The following CSGALNACT1 variants were observed in gnomAD, a reference collection of about 807,000 sequenced individuals.
CSGALNACT1 encodes chondroitin sulfate N-acetylgalactosaminyltransferase 1.
A neutral mutation model predicts 51.0 loss-of-function variants in CSGALNACT1; 52 were observed. That is an observed-to-expected ratio of 1.02 (90% CI 0.82 to 1.29). The LOEUF is 1.29. CSGALNACT1 is among the 50% of genes most tolerant of loss of function. The pLI, the probability that CSGALNACT1 is intolerant of heterozygous loss-of-function variation, is 0.00. For synonymous variants in CSGALNACT1, 341 were observed against 254.4 expected (o/e 1.34, Z -3.24); for missense variants, 935 against 679.2 (o/e 1.38, Z -4.19).
intron 1 of CSGALNACT1, among the ~76,000 whole-genome samples, chr8:19,689,853 G>A (rs906770084): frequency 1.3e-5 from 2 of 152,194 alleles, no homozygotes; most frequent in Non-Finnish European, 2.9e-5. Context: ...GGAAAGTGAC[G>A]TAGAGTAACC....
At chr8:19,599,472 AAAAGAAAGAAAGAAAGAAAGAAAGAAAG>A (rs201098374) in intron 2 of CSGALNACT1, among the ~76,000 whole-genome samples, 22 of 113,806 alleles carry the variant, frequency 1.9e-4, no homozygotes, top group South Asian at 3.4e-4. Flanking sequence ...GAAAGAAAGA[AAAAGAAAGAAAGAAAGAAAGAAAGAAAG>A]AAAGAAAGAA....
At chr8:19,744,325 A>C (rs1488596592) in intron 1 of CSGALNACT1, among the ~76,000 whole-genome samples, 1 of 152,202 alleles carries the variant, frequency 6.6e-6, no homozygotes, top group East Asian at 1.9e-4. Flanking sequence ...CCACAGATAC[A>C]CCCACGTCAT....
chr8:19,749,622 T>C (rs1043505709), intron 1 of CSGALNACT1, among the ~76,000 whole-genome samples: 8 of 152,180 alleles, frequency 5.3e-5, no homozygotes, highest in African/African-American at 1.7e-4. Flanking sequence ...AGACCATCCC[T>C]GATCTAACAA....
intron 1 of CSGALNACT1, among the ~76,000 whole-genome samples, chr8:19,723,990 C>A (rs1007915875): frequency 1.3e-5 from 2 of 152,180 alleles, no homozygotes; most frequent in Non-Finnish European, 2.9e-5. Flanking sequence ...TCAAATCTCT[C>A]ATTTCGAAAA....
chr8:19,702,741 C>G (rs1427255222), intron 1 of CSGALNACT1, among the ~76,000 whole-genome samples: 1 of 152,132 alleles, frequency 6.6e-6, no homozygotes, highest in Non-Finnish European at 1.5e-5. Context: ...TGTGTCTATA[C>G]CAGACCTCGT....
At chr8:19,639,662 T>C (rs180727397) in intron 1 of CSGALNACT1, among the ~76,000 whole-genome samples, 23 of 152,174 alleles carry the variant, frequency 1.5e-4, no homozygotes, top group Admixed American at 1.3e-3. Context: ...AATTTAACAT[T>C]TGACAAAGCT....
Position 19,530,222 on chromosome 8 carries a change from A to AAAAAC in CSGALNACT1, c.-296-24097_-296-24093dup, listed in dbSNP as rs58765246. On this transcript the variant is annotated intron_variant, in intron 3 of 9. Transcript: ENST00000454498. Reference sequence around the variant, plus strand: ...GGCAACAGAGCGAGACTCTGGCTGAAAAAACAAAACAAAACAAAACAAAAC... The same window carrying AAAAAC: ...GGCAACAGAGCGAGACTCTGGCTGAAAAAACAAAACAAAACAAAACAAAACAAAAC... Among the ~76,000 whole-genome samples the AAAAAC allele has an allele frequency of 3.8e-3, 575 of 150,190 alleles. 2 individuals are homozygous for AAAAAC. The highest frequency in any genetic ancestry group is 0.01 in the African/African-American group (419 of 40,598).
intron 1 of CSGALNACT1, among the ~76,000 whole-genome samples, chr8:19,707,439 A>G (rs959529252): frequency 6.6e-6 from 1 of 152,230 alleles, no homozygotes; most frequent in Non-Finnish European, 1.5e-5. Context: ...ATTTTTATTT[A>G]AAGTCATTGA....
chr8:19,457,350 C>T (rs756738519), intron 5 of CSGALNACT1, among the ~76,000 whole-genome samples: 5 of 152,292 alleles, frequency 3.3e-5, no homozygotes, highest in Admixed American at 6.5e-5. Flanking sequence ...CGGTGGCTCA[C>T]GCCTGTAATC....
intron 3 of CSGALNACT1, among the ~76,000 whole-genome samples, chr8:19,548,904 C>T (rs571278234): frequency 3.4e-4 from 52 of 152,248 alleles, no homozygotes; most frequent in Non-Finnish European, 6.0e-4. Context: ...CTGCAGCTCC[C>T]GCCTCCCAGG....
intron 2 of CSGALNACT1, among the ~76,000 whole-genome samples, chr8:19,593,551 C>G (rs1337994711): frequency 6.6e-6 from 1 of 152,220 alleles, no homozygotes; most frequent in African/African-American, 2.4e-5. Context: ...CTAGATGACC[C>G]TTTGCATGCT....
chr8:19,507,194 A>G (rs927930366), intron 3 of CSGALNACT1, among the ~76,000 whole-genome samples: 1 of 152,192 alleles, frequency 6.6e-6, no homozygotes, highest in African/African-American at 2.4e-5. Flanking sequence ...CATAGAAGGG[A>G]TGAGGATGGG....
At chr8:19,409,489 A>ATG in intron 8 of CSGALNACT1, among the ~76,000 whole-genome samples, 1 of 56,444 alleles carries the variant, frequency 1.8e-5, no homozygotes, top group Non-Finnish European at 4.5e-5. Flanking sequence ...ATGTGTACAT[A>ATG]TATATATATA....
chr8:19,516,811 G>T lies in CSGALNACT1; in HGVS notation c.-296-10681C>A, dbSNP rs116579924. ...TTCCATGATGGGAGCCCCCAGGAGG[G>T]GGTGAGATGCTGGAAGTGGCTGCTT... On this transcript the variant is annotated intron_variant, in intron 3 of 9. Transcript: ENST00000454498. 5.7e-3 allele frequency among the ~76,000 whole-genome samples: 873 copies of T among 152,312 alleles called. 9 individuals are homozygous for T. Among genetic ancestry groups the T allele is most frequent in the African/African-American group, 0.02 (844 of 41,560 alleles).
At chr8:19,745,951 T>A (rs1301268783) in intron 1 of CSGALNACT1, among the ~76,000 whole-genome samples, 6 of 152,100 alleles carry the variant, frequency 3.9e-5, no homozygotes, top group Admixed American at 2.6e-4. Context: ...AGGTGGTCAC[T>A]TAGGCAATTA....
At chr8:19,442,185 G>C (rs1325753674) in intron 5 of CSGALNACT1, among the ~76,000 whole-genome samples, 2 of 152,146 alleles carry the variant, frequency 1.3e-5, no homozygotes, top group Non-Finnish European at 1.5e-5. Flanking sequence ...TCTAGAACTA[G>C]AAATACCGTT....
At chr8:19,409,487 A>C (rs1467819976) in intron 8 of CSGALNACT1, among the ~76,000 whole-genome samples, 1 of 54,640 alleles carries the variant, frequency 1.8e-5, no homozygotes, top group African/African-American at 4.8e-5. Flanking sequence ...GCATGTGTAC[A>C]TATATATATA....
chr8:19,726,624 T>C (rs921102337), intron 1 of CSGALNACT1, among the ~76,000 whole-genome samples: 2 of 152,182 alleles, frequency 1.3e-5, no homozygotes, highest in Admixed American at 1.3e-4. Flanking sequence ...TTAAAAAAGA[T>C]ACAATACACT....
intron 1 of CSGALNACT1, among the ~76,000 whole-genome samples, chr8:19,756,683 C>T (rs2065402597): frequency 6.6e-6 from 1 of 152,156 alleles, no homozygotes; most frequent in Admixed American, 6.5e-5. Context: ...CCCCACTAGC[C>T]CGGTCCCGGG....
Sources: allele counts gnomAD v4.1 joint callset (sites outside exome capture counted in the v4.1 genomes callset), GRCh38; gene constraint gnomAD v4.1.1; transcripts MANE v1.5; gene names NCBI Gene and HGNC (gene_info 2026-07-23, HGNC 2026-07-21).